ZBED6: variants seen among roughly 807,000 people sequenced by gnomAD.
ZBED6 encodes zinc finger BED domain-containing protein 6.
In ZBED6, 40 loss-of-function variants were observed where a neutral mutation model predicts 58.4. That is an observed-to-expected ratio of 0.68 (90% CI 0.53 to 0.89). The LOEUF is 0.89. Ranked by LOEUF, ZBED6 falls within the 40% of genes least tolerant of loss-of-function variation. ZBED6 has a pLI of 0.00. For missense variants in ZBED6, 1,057 were observed against 1,003.9 expected (o/e 1.05, Z -0.71); for synonymous variants, 439 against 350.6 (o/e 1.25, Z -2.82).
intron 3 of ZBED6, among the ~76,000 whole-genome samples, chr1:203,823,756 T>C (rs931998147): frequency 6.6e-6 from 1 of 152,186 alleles, no homozygotes; most frequent in Non-Finnish European, 1.5e-5. Context: ...CAAAATAAGA[T>C]GTGTGCAGAA....
In ZBED6 at chr1:203,836,222, A is replaced by C. The variant is rs577116693; in HGVS notation, c.*3574-1744A>C. 1.1e-3 allele frequency among the ~76,000 whole-genome samples: 165 copies of C among 152,348 alleles called. 1 individual carries two copies. Among genetic ancestry groups the C allele is most frequent in the African/African-American group, 3.8e-3 (160 of 41,578 alleles). The stretch of plus-strand genomic sequence containing the variant: ...ACATAGCAAGACCCTGTCTCTAAAA[A>C]TAATAATTAAAAGTTCTTAAAATAT... On this transcript the variant is annotated intron_variant, in intron 9 of 16. Coordinates refer to ENST00000550078, the Ensembl canonical transcript of ZBED6.
At chr1:203,803,248 A>G (rs1029312720) in intron 1 of ZBED6, among the ~76,000 whole-genome samples, 19 of 151,272 alleles carry the variant, frequency 1.3e-4, no homozygotes, top group African/African-American at 2.4e-4. Flanking sequence ...CTGGAGTGCA[A>G]TGGTGCCATC....
exon 14 of ZBED6, chr1:203,849,892 C>G (rs1801839): frequency 2.5e-6 from 4 of 1,613,970 alleles, no homozygotes; most frequent in Non-Finnish European, 2.5e-6. Flanking sequence ...ACTGCTGTGC[C>G]AGGAATCACA....
At chr1:203,800,572 GA>G (rs765519506) in exon 1 of ZBED6, 472 of 981,900 alleles carry the variant, frequency 4.8e-4, no homozygotes, top group Non-Finnish European at 5.9e-4. Flanking sequence ...GGGGAAACCT[GA>G]AATCACACAA....
chr1:203,799,054 T>C, exon 1 of ZBED6: 1 of 1,536,184 alleles, frequency 6.5e-7, no homozygotes, highest in Non-Finnish European at 8.7e-7. Context: ...GCGTCTTTTC[T>C]CAATAATGGC....
intron 1 of ZBED6, among the ~76,000 whole-genome samples, chr1:203,811,781 G>T (rs1337433930): frequency 2.0e-5 from 3 of 149,840 alleles, no homozygotes; most frequent in Non-Finnish European, 4.4e-5. Context: ...TTCCTTTGTT[G>T]CATATATGTC....
intron 1 of ZBED6, among the ~76,000 whole-genome samples, chr1:203,815,184 A>G (rs1675840770): frequency 1.5e-5 from 2 of 130,364 alleles, no homozygotes; most frequent in Admixed American, 7.8e-5. Flanking sequence ...AGGTTTCTAG[A>G]TGTTATTTCA....
At chr1:203,849,658 A>G (rs1688793803) in intron 13 of ZBED6, 53 bp from the exon 14 acceptor site, 1 of 1,536,664 alleles carries the variant, frequency 6.5e-7, no homozygotes, top group African/African-American at 1.4e-5. Flanking sequence ...CTTACATCAT[A>G]CAGGTTATTA....
intron 11 of ZBED6, among the ~76,000 whole-genome samples, chr1:203,840,754 C>T (rs1363419752): frequency 6.6e-6 from 1 of 152,022 alleles, no homozygotes; most frequent in Non-Finnish European, 1.5e-5. Context: ...CTGCCTCAGC[C>T]TACCGAGTAG....
At chr1:203,842,066 A>G (rs1267505305) in intron 11 of ZBED6, among the ~76,000 whole-genome samples, 1 of 149,766 alleles carries the variant, frequency 6.7e-6, no homozygotes, top group South Asian at 2.1e-4. Context: ...GACACTCCTC[A>G]CTTCCTAGAC....
intron 1 of ZBED6, among the ~76,000 whole-genome samples, chr1:203,805,119 A>G (rs1000824580): frequency 2.0e-5 from 3 of 151,448 alleles, no homozygotes; most frequent in African/African-American, 4.9e-5. Context: ...CAGAATCAAA[A>G]TACCCACTTC....
chr1:203,810,800 C>T (rs1674210484), intron 1 of ZBED6, among the ~76,000 whole-genome samples: 1 of 152,042 alleles, frequency 6.6e-6, no homozygotes, highest in Admixed American at 6.6e-5. Context: ...CATTTCTCCA[C>T]ACTCTGCCCA....
rs763365697 is a variant in ZBED6 at position 203,850,677 on chromosome 1, C to A, written c.*4801C>A. The A allele has an allele frequency of 2.3e-5, 37 of 1,613,680 alleles. No homozygotes were observed. In the South Asian group the frequency reaches 4.0e-4, roughly 17 times the overall value. On this transcript the variant is annotated 3_prime_UTR_variant, in exon 15 of 17. Coordinates refer to ENST00000550078, the Ensembl canonical transcript of ZBED6. Reference sequence around the variant, plus strand: ...CAGGAACCCCCAGCCAAAAAGGCAGCTGTGGTAAGAAGTATATTCACTTTG... The same window carrying A: ...CAGGAACCCCCAGCCAAAAAGGCAGATGTGGTAAGAAGTATATTCACTTTG...
At chr1:203,806,060 G>C in intron 1 of ZBED6, 1 of 517,622 alleles carries the variant, frequency 1.9e-6, no homozygotes, top group Non-Finnish European at 3.8e-6. Context: ...ATCCGCTTTT[G>C]TTTTAAAACT....
chr1:203,809,049 C>G (rs7542453), intron 1 of ZBED6, among the ~76,000 whole-genome samples: 2 of 151,916 alleles, frequency 1.3e-5, no homozygotes, highest in African/African-American at 4.8e-5. Context: ...AAGCTGGTCT[C>G]GAACTCCTGA....
At chr1:203,829,706 G>C (rs1681634831) in intron 5 of ZBED6, 52 bp downstream of exon 5, 15 of 1,612,388 alleles carry the variant, frequency 9.3e-6, no homozygotes, top group Non-Finnish European at 1.3e-5. Flanking sequence ...GTCTCATAGT[G>C]AATTGGGCAG....
intron 1 of ZBED6, among the ~76,000 whole-genome samples, chr1:203,804,966 C>T (rs964989295): frequency 6.6e-6 from 1 of 151,944 alleles, no homozygotes; most frequent in African/African-American, 2.4e-5. Flanking sequence ...AGCTATTGTG[C>T]CCGGCCTGTC....
At chr1:203,811,294 G>A (rs1674421862) in intron 1 of ZBED6, among the ~76,000 whole-genome samples, 1 of 152,078 alleles carries the variant, frequency 6.6e-6, no homozygotes, top group Non-Finnish European at 1.5e-5. Flanking sequence ...GGCAACAAGA[G>A]CAAAACTCGA....
intron 1 of ZBED6, among the ~76,000 whole-genome samples, chr1:203,809,587 T>C (rs1673637643): frequency 6.6e-6 from 1 of 152,174 alleles, no homozygotes; most frequent in African/African-American, 2.4e-5. Context: ...CATTAACTTC[T>C]AGAGAGTGGG....
Sources: gnomAD v4.1 joint callset for allele counts (sites outside exome capture counted in the v4.1 genomes callset) on GRCh38, gnomAD v4.1.1 for gene constraint, MANE v1.5 for transcripts, NCBI Gene and HGNC (gene_info 2026-07-23, HGNC 2026-07-21) for gene names.